The following HKDC1 variants were observed in gnomAD, a reference collection of about 807,000 sequenced individuals.
The protein encoded by HKDC1 is hexokinase domain containing 1.
Under a neutral mutation model 96.6 loss-of-function variants are expected in HKDC1, and 66 were observed. The observed-to-expected ratio is 0.68, with a 90% CI of 0.56 to 0.84. The LOEUF (loss-of-function observed/expected upper bound fraction) is 0.84, where lower values mean the gene tolerates loss of function less well. HKDC1 is among the 40% of genes least tolerant of loss of function. The pLI, the probability that HKDC1 is intolerant of heterozygous loss-of-function variation, is 0.00. For synonymous variants in HKDC1, 466 were observed against 473.1 expected (o/e 0.98, Z 0.20); for missense variants, 1,211 against 1,208.1 (o/e 1.00, Z -0.04).
chr10:69,263,694 C>A (rs896979223), intron 16 of HKDC1, among the ~76,000 whole-genome samples: 4 of 152,304 alleles, frequency 2.6e-5, no homozygotes, highest in Non-Finnish European at 5.9e-5. Context: ...TGCTTAACCC[C>A]CAGGATTGCT....
chr10:69,249,014 G>A (rs978657984), intron 10 of HKDC1: 34 of 281,286 alleles, frequency 1.2e-4, no homozygotes, highest in South Asian at 1.0e-4. Context: ...TACCCCCCCC[G>A]ACCCCCAGAT....
intron 9 of HKDC1, among the ~76,000 whole-genome samples, chr10:69,247,949 G>C (rs554840810): frequency 9.8e-5 from 15 of 152,286 alleles, no homozygotes; most frequent in Non-Finnish European, 1.3e-4. Context: ...TGGGAAGTAA[G>C]ATACACCTAG....
intron 14 of HKDC1, 110 bp from the exon 15 acceptor site, chr10:69,258,666 A>T (rs1220401937): frequency 9.2e-7 from 1 of 1,086,196 alleles, no homozygotes; most frequent in African/African-American, 1.6e-5. Context: ...CTGGAATCGC[A>T]TCCAGTTGTA....
intron 2 of HKDC1, among the ~76,000 whole-genome samples, chr10:69,227,971 A>G (rs1026270066): frequency 2.0e-5 from 3 of 152,194 alleles, no homozygotes; most frequent in Non-Finnish European, 2.9e-5. Context: ...CCAGCTGTAG[A>G]ATGAGAAATG....
intron 1 of HKDC1, among the ~76,000 whole-genome samples, chr10:69,222,094 C>T (rs997721432): frequency 4.6e-5 from 7 of 152,090 alleles, no homozygotes; most frequent in Non-Finnish European, 7.4e-5. Context: ...TGGTGGAGTG[C>T]GCCTGTAATC....
chr10:69,228,573 G>A (rs1843198613), intron 2 of HKDC1, among the ~76,000 whole-genome samples: 1 of 152,126 alleles, frequency 6.6e-6, no homozygotes, highest in Non-Finnish European at 1.5e-5. Flanking sequence ...AGAGGGAAAA[G>A]GGCTGCTACT....
In HKDC1 at chr10:69,258,856, A is replaced by C; in HGVS notation, c.2113A>C (p.Asn705His). The part of the protein sequence containing the change: ...VEGGEGKMCI[N>H]TEWGGFGDNG... ...GGGGGGTGAAGGGAAGATGTGCATC[A>C]ATACAGAGTGGGGAGGATTTGGAGA... is the stretch of plus-strand genomic sequence containing the variant. Residue 705 changes from asparagine (N) to histidine (H), a missense_variant, in exon 15 of 18, where the codon AAT becomes CAT. Asn to His is a moderately conservative substitution (Grantham distance 68). Transcript: ENST00000354624. 6.2e-7 allele frequency: 1 copy of C among 1,613,936 alleles called. No homozygotes were observed. Among genetic ancestry groups the C allele is most frequent in the Non-Finnish European group, 8.5e-7 (1 of 1,179,964 alleles).
chr10:69,245,172 G>A (rs2132355349), intron 7 of HKDC1, among the ~76,000 whole-genome samples: 1 of 152,294 alleles, frequency 6.6e-6, no homozygotes, highest in Non-Finnish European at 1.5e-5. Flanking sequence ...AAAGTGCTGG[G>A]ATTACAGGCA....
chr10:69,263,505 T>C (rs1344275815), intron 16 of HKDC1, among the ~76,000 whole-genome samples: 1 of 152,142 alleles, frequency 6.6e-6, no homozygotes, highest in Non-Finnish European at 1.5e-5. Context: ...TTCAAAGCAG[T>C]TTGTCAAATG....
At chr10:69,227,151 C>T (rs919357642) in intron 1 of HKDC1, 56 bp from the exon 2 acceptor site, 95 of 1,596,350 alleles carry the variant, frequency 6.0e-5, no homozygotes, top group Non-Finnish European at 7.6e-5. Context: ...GTTACAGCCT[C>T]GACTGGAGGG....
Position 69,256,901 on chromosome 10 carries a change from G to C in HKDC1, c.1837-135G>C. 4 of 677,058 alleles carry C rather than the reference G, an allele frequency of 5.9e-6. No homozygotes were observed. In the Admixed American group the frequency reaches 8.4e-5, roughly 14 times the overall value. 41.9% of individuals were successfully genotyped at this position (677,058 alleles called of 1,614,324 possible). ...TGCTGTGCCCAGGGTTAGGGTTGTG[G>C]AGGTGGAGGCATAGTCAAAAGCACA... On this transcript the variant is annotated intron_variant, in intron 12 of 17. Coordinates refer to ENST00000354624, the MANE Select transcript of HKDC1 (RefSeq NM_025130.4).
intron 1 of HKDC1, among the ~76,000 whole-genome samples, chr10:69,222,159 T>A (rs1236663235): frequency 6.6e-6 from 1 of 151,862 alleles, no homozygotes. Flanking sequence ...GCAGCAGAGG[T>A]TACAGTGAGC....
chr10:69,261,461 CA>C (rs1843809749), intron 16 of HKDC1, 167 bp downstream of exon 16: 1 of 621,096 alleles, frequency 1.6e-6, no homozygotes, highest in African/African-American at 1.8e-5. Context: ...GGATCGCTTT[CA>C]ACAATAATAA....
At position 69,250,581 on chromosome 10, in the gene HKDC1, G is replaced by C; in HGVS notation, c.1765G>C (p.Gly589Arg). 6.2e-7 allele frequency: 1 copy of C among 1,614,032 alleles called. No individual in the cohort carries two copies. The highest frequency in any genetic ancestry group is 8.5e-7 in the Non-Finnish European group (1 of 1,180,008). ...QCIADFLDYM[G>R]LKGASLPLGF... The stretch of plus-strand genomic sequence containing the variant: ...CATCGCCGACTTCCTGGACTACATG[G>C]GCCTCAAGGGAGCCTCCCTACCTTT... The change falls in exon 12 of 18, where the codon GGC becomes CGC. Residue 589 changes from glycine (G) to arginine (R), a missense_variant. Physicochemically the swap from Gly to Arg is moderately radical, Grantham distance 125. Transcript: ENST00000354624.
rs1843918968 is a variant in HKDC1 at position 69,267,266 on chromosome 10, CA to C, written c.*512del. The C allele has an allele frequency of 6.2e-6, 2 of 325,120 alleles. No homozygotes were observed. The highest frequency in any genetic ancestry group is 5.3e-5 in the South Asian group (2 of 37,902). The allele number at this position is 325,120 out of a possible 1,614,324, so 20.1% of individuals were successfully genotyped here. A position where few individuals can be genotyped will look rare whatever the true frequency, so the allele number is the denominator to read the frequency against. ...TGTCCTTAACTTGCCATGTTGACTT[CA>C]AACCTATTAAGAGAACAAAGACTTT... On this transcript the variant is annotated 3_prime_UTR_variant, in exon 18 of 18. Coordinates refer to ENST00000354624, the MANE Select transcript of HKDC1 (RefSeq NM_025130.4).
intron 7 of HKDC1, 118 bp from the exon 8 acceptor site, chr10:69,245,961 A>G (rs1843534494): frequency 7.9e-7 from 1 of 1,259,828 alleles, no homozygotes; most frequent in Non-Finnish European, 1.1e-6. Flanking sequence ...GAAGGAGGGA[A>G]TCTTAGCTCA....
At position 69,248,633 on chromosome 10, in the gene HKDC1, G is replaced by A. The variant is rs200556069; in HGVS notation, c.1475G>A (p.Arg492Gln). ...EQLVDVQAKM[R>Q]AELEYGLKKK... ...CTCGTGGACGTGCAGGCCAAGATGC[G>A]GGCTGAGCTGGAGTATGGGCTGAAG... The change falls in exon 10 of 18, where the codon CGG becomes CAG. Residue 492 changes from arginine to glutamine, a missense_variant. Physicochemically the swap from Arg to Gln is conservative, Grantham distance 43 (BLOSUM62 1). Transcript: ENST00000354624. The A allele has an allele frequency of 1.4e-5, 23 of 1,614,130 alleles. No individual in the cohort carries two copies. Among genetic ancestry groups the A allele is most frequent in the African/African-American group, 5.3e-5 (4 of 75,068 alleles).
At chr10:69,242,529 G>A (rs537247501) in intron 6 of HKDC1, among the ~76,000 whole-genome samples, 3 of 150,596 alleles carry the variant, frequency 2.0e-5, no homozygotes, top group African/African-American at 7.3e-5. Flanking sequence ...TGTAGTAAAC[G>A]TATAGTTTTG....
At chr10:69,226,745 A>G (rs902793844) in intron 1 of HKDC1, among the ~76,000 whole-genome samples, 8 of 152,188 alleles carry the variant, frequency 5.3e-5, no homozygotes, top group African/African-American at 1.7e-4. Flanking sequence ...CAGCCAGTAA[A>G]CAAAGAGAAA....
Sources: allele counts gnomAD v4.1 joint callset (sites outside exome capture counted in the v4.1 genomes callset), GRCh38; gene constraint gnomAD v4.1.1; transcripts MANE v1.5; gene names NCBI Gene and HGNC (gene_info 2026-07-23, HGNC 2026-07-21).